Variants in GLIS1 observed in about 807,000 individuals in gnomAD.
GLIS1 encodes GLIS family zinc finger 1, also known as zinc finger protein GLIS1.
A neutral mutation model predicts 63.8 loss-of-function variants in GLIS1; 24 were observed. The observed-to-expected ratio is 0.38, with a 90% CI of 0.27 to 0.53. The LOEUF (loss-of-function observed/expected upper bound fraction) is 0.53. Among genes scored for constraint, GLIS1 ranks in the 20% least tolerant of loss-of-function variants. GLIS1 has a pLI of 0.85. For missense variants in GLIS1, 1,036 were observed against 1,074.1 expected (o/e 0.96, Z 0.50); for synonymous variants, 450 against 482.5 (o/e 0.93, Z 0.88).
At position 53,514,754 on chromosome 1, in the gene GLIS1, T is replaced by A. The variant is rs749586206; in HGVS notation, c.1754A>T (p.His585Leu). The change falls in exon 8 of 11, where the codon CAT becomes CTT. Residue 585 changes from histidine to leucine, a missense_variant. Physicochemically the swap from His to Leu is moderately conservative, Grantham distance 99. Transcript: ENST00000628545. ...CAGGAGGCCCGATGCAAGTCCGTTATGGGGGGTGATGGAGCCAGGATACAC... is the reference window on the plus strand; with the variant it reads ...CAGGAGGCCCGATGCAAGTCCGTTAAGGGGGGTGATGGAGCCAGGATACAC... ...PGVYPGSITP[H>L]NGLASGLLPP... The A allele has an allele frequency of 6.2e-6, 10 of 1,604,464 alleles. No individual in the cohort carries two copies. Among genetic ancestry groups the A allele is most frequent in the Non-Finnish European group, 7.7e-6 (9 of 1,175,556 alleles).
intron 2 of GLIS1, among the ~76,000 whole-genome samples, chr1:53,668,790 G>GT (rs1377359362): frequency 2.6e-5 from 4 of 152,244 alleles, no homozygotes; most frequent in South Asian, 4.1e-4. Context: ...CTAGGCGTGC[G>GT]TAAGTACACT....
chr1:53,691,396 CA>C (rs1448763870), intron 2 of GLIS1, among the ~76,000 whole-genome samples: 2 of 152,190 alleles, frequency 1.3e-5, no homozygotes, highest in African/African-American at 4.8e-5. Flanking sequence ...CCATGTTCCT[CA>C]AAGTCTGGCC....
In GLIS1 at chr1:53,585,173, G is replaced by A. The variant is rs72904942; in HGVS notation, c.1320+8935C>T. On this transcript the variant is annotated intron_variant, in intron 4 of 10. Transcript: ENST00000628545. ...GTTCCCTCAAATTTGGTGCTCCTGG[G>A]AATTCTCTTCCCTGTGAGAGCTTGG... Among the ~76,000 whole-genome samples, 204 of 152,182 alleles carry A rather than the reference G, an allele frequency of 1.3e-3. 1 individual carries two copies. The highest frequency in any genetic ancestry group is 4.6e-3 in the African/African-American group (193 of 41,530).
intron 2 of GLIS1, among the ~76,000 whole-genome samples, chr1:53,656,209 G>A (rs1645963927): frequency 6.6e-6 from 1 of 152,138 alleles, no homozygotes; most frequent in South Asian, 2.1e-4. Flanking sequence ...CCCCAAACAG[G>A]GAGGGAGGCA....
At chr1:53,548,678 C>T (rs1557444060) in intron 4 of GLIS1, among the ~76,000 whole-genome samples, 1 of 152,328 alleles carries the variant, frequency 6.6e-6, no homozygotes, top group Non-Finnish European at 1.5e-5. Flanking sequence ...GAAGGTCAAG[C>T]GTGGGCCAGA....
intron 2 of GLIS1, among the ~76,000 whole-genome samples, chr1:53,678,752 G>A (rs1646242665): frequency 6.6e-6 from 1 of 152,204 alleles, no homozygotes; most frequent in African/African-American, 2.4e-5. Context: ...ACAGCCGGGA[G>A]CAGAGCAAGA....
At chr1:53,517,377 G>C (rs1443754739) in intron 7 of GLIS1, among the ~76,000 whole-genome samples, 1 of 152,186 alleles carries the variant, frequency 6.6e-6, no homozygotes, top group Non-Finnish European at 1.5e-5. Flanking sequence ...CCCCAGCTTG[G>C]GGGAAGGTGC....
intron 6 of GLIS1, among the ~76,000 whole-genome samples, chr1:53,522,986 C>CTTTTTTTTTTTT (rs1553120127): frequency 2.3e-5 from 1 of 43,688 alleles, no homozygotes; most frequent in African/African-American, 4.4e-5. Context: ...TCTTTTCTTT[C>CTTTTTTTTTTTT]TTTTTTTTTT....
At chr1:53,699,704 G>T (rs1040813995) in intron 2 of GLIS1, among the ~76,000 whole-genome samples, 10 of 152,180 alleles carry the variant, frequency 6.6e-5, no homozygotes, top group African/African-American at 2.2e-4. Flanking sequence ...GCAAGTCCGG[G>T]ATCAAGATGC....
chr1:53,631,152 T>G (rs536505893), intron 2 of GLIS1, among the ~76,000 whole-genome samples: 1 of 151,608 alleles, frequency 6.6e-6, no homozygotes, highest in Non-Finnish European at 1.5e-5. Context: ...ATCTAACGGG[T>G]TTTTTTAGTT....
rs1217936850 is a variant in GLIS1, at chr1:53,700,239, C to A, written c.259+37567G>T. ...GATGCTCCTGCTCTGGATGCGCCCCCCAGGCCACTGCCAGCCCTCACCTCC... is the reference window on the plus strand; with the variant it reads ...GATGCTCCTGCTCTGGATGCGCCCCACAGGCCACTGCCAGCCCTCACCTCC... On this transcript the variant is annotated intron_variant, in intron 2 of 10. Transcript: ENST00000628545. Among the ~76,000 whole-genome samples, 5 of 152,328 alleles carry A rather than the reference C, an allele frequency of 3.3e-5. No homozygotes were observed. The East Asian group carries it at 9.7e-4, about 29-fold the overall frequency.
intron 4 of GLIS1, among the ~76,000 whole-genome samples, chr1:53,551,721 C>G (rs868402589): frequency 6.6e-6 from 1 of 152,098 alleles, no homozygotes; most frequent in Non-Finnish European, 1.5e-5. Context: ...GCTCCCACCT[C>G]TGCCCTCCCT....
intron 4 of GLIS1, among the ~76,000 whole-genome samples, chr1:53,577,675 G>A (rs1645046339): frequency 6.6e-6 from 1 of 152,254 alleles, no homozygotes; most frequent in South Asian, 2.1e-4. Flanking sequence ...GTCTGGGTAG[G>A]CTCTAAGCTT....
At chr1:53,519,887 G>A (rs1174968627) in intron 7 of GLIS1, among the ~76,000 whole-genome samples, 5 of 152,196 alleles carry the variant, frequency 3.3e-5, no homozygotes, top group African/African-American at 7.2e-5. Context: ...TCTTGAAGAC[G>A]GTTCCTCCCT....
At chr1:53,737,279 C>T (rs916846428) in intron 2 of GLIS1, among the ~76,000 whole-genome samples, 1 of 152,168 alleles carries the variant, frequency 6.6e-6, no homozygotes, top group South Asian at 2.1e-4. Flanking sequence ...TAAGTTAGGA[C>T]GTGACTAGGC....
chr1:53,721,991 C>T (rs1265916015), intron 2 of GLIS1, among the ~76,000 whole-genome samples: 1 of 152,104 alleles, frequency 6.6e-6, no homozygotes, highest in Non-Finnish European at 1.5e-5. Context: ...TATTCAGATG[C>T]CCAACATAAA....
intron 5 of GLIS1, among the ~76,000 whole-genome samples, chr1:53,527,976 G>A (rs1020733682): frequency 1.3e-5 from 2 of 152,240 alleles, no homozygotes; most frequent in African/African-American, 2.4e-5. Flanking sequence ...TAAGGAGGGA[G>A]GGAGGAAGAA....
At chr1:53,669,087 T>A (rs1023139825) in intron 2 of GLIS1, among the ~76,000 whole-genome samples, 1 of 152,142 alleles carries the variant, frequency 6.6e-6, no homozygotes, top group African/African-American at 2.4e-5. Context: ...TCCCAGACAA[T>A]CTTCAGGTAA....
chr1:53,684,308 A>G (rs1646307420), intron 2 of GLIS1, among the ~76,000 whole-genome samples: 1 of 152,098 alleles, frequency 6.6e-6, no homozygotes, highest in Non-Finnish European at 1.5e-5. Flanking sequence ...GGTGTTGTGT[A>G]TTTATGGAAT....
Sources: allele counts gnomAD v4.1 joint callset (sites outside exome capture counted in the v4.1 genomes callset), GRCh38; gene constraint gnomAD v4.1.1; transcripts MANE v1.5; gene names NCBI Gene and HGNC (gene_info 2026-07-23, HGNC 2026-07-21).